MFAP1: variants seen among roughly 807,000 people sequenced by gnomAD.
MFAP1 encodes microfibrillar-associated protein 1.
Under a neutral mutation model 62.2 loss-of-function variants are expected in MFAP1, and 18 were observed. That is an observed-to-expected ratio of 0.29 (90% confidence interval 0.20 to 0.43). MFAP1 has a LOEUF of 0.43. MFAP1 is among the 20% of genes least tolerant of loss of function. The probability of loss-of-function intolerance (pLI) is 1.00; values close to 1 mark genes in which losing one functional copy is unlikely to be tolerated. For synonymous variants in MFAP1, 175 were observed against 180.4 expected, an observed-to-expected ratio of 0.97 and a Z score of 0.24; for missense variants, 355 against 559.7, an observed-to-expected ratio of 0.63 and a Z score of 3.69.
chr15:43,824,417 C>T, intron 1 of MFAP1, 74 bp downstream of exon 1: 1 of 1,516,166 alleles, frequency 6.6e-7, no homozygotes, highest in Non-Finnish European at 9.1e-7. Context: ...AGTGGTCTGT[C>T]CGGGAGAGGT....
chr15:43,807,692 C>T (rs2087374640), intron 7 of MFAP1, among the ~76,000 whole-genome samples: 1 of 152,136 alleles, frequency 6.6e-6, no homozygotes, highest in South Asian at 2.1e-4. Flanking sequence ...ACCTTTACGT[C>T]AACCCTTTCA....
chr15:43,816,277 G>A (rs1201054354), intron 2 of MFAP1, among the ~76,000 whole-genome samples: 6 of 131,416 alleles, frequency 4.6e-5, no homozygotes, highest in Admixed American at 9.0e-5. Flanking sequence ...ATGGAGTCTC[G>A]CTTTGTCACC....
chr15:43,824,526 G>C lies in MFAP1; in HGVS notation c.44C>G (p.Ser15Cys), dbSNP rs376300257. 1.2e-6 allele frequency: 2 copies of C among 1,614,048 alleles called. No homozygotes were observed. Among genetic ancestry groups the C allele is most frequent in the Non-Finnish European group, 1.7e-6 (2 of 1,180,042 alleles). The change falls in exon 1 of 9, where the codon TCT (serine) becomes TGT (cysteine). Residue 15 changes from serine to cysteine, a missense_variant. Around this residue, in one of 6 missense-constraint regions of MFAP1, gnomAD observed 29 missense variants for 46.0 expected, o/e 0.63. Transcript: ENST00000267812. ...SALMKQPPIQ[S>C]TAGAVPVRNE... ...GCGAACTGGGACGGCCCCAGCCGTA[G>C]ACTGAATGGGCGGTTGCTTCATGAG...
intron 6 of MFAP1, among the ~76,000 whole-genome samples, chr15:43,811,981 T>C (rs528798093): frequency 3.3e-5 from 5 of 152,110 alleles, no homozygotes; most frequent in Admixed American, 2.6e-4. Flanking sequence ...CCTGAGATCA[T>C]GAGTTCGAGA....
chr15:43,811,403 G>A (rs1230693207), intron 6 of MFAP1, among the ~76,000 whole-genome samples: 4 of 139,196 alleles, frequency 2.9e-5, no homozygotes, highest in Non-Finnish European at 4.6e-5. Context: ...GCGACAGAGT[G>A]AGACTGTGTC....
In MFAP1 at chr15:43,817,259, T is replaced by G; in HGVS notation, c.269A>C (p.Gln90Pro). Residue 90 changes from glutamine to proline, a missense_variant, in exon 2 of 9, where the codon CAG (glutamine) becomes CCG (proline). Gln to Pro is a moderately conservative substitution (Grantham distance 76, BLOSUM62 -1). Around this residue, in one of 6 missense-constraint regions of MFAP1, gnomAD observed 257 missense variants for 341.3 expected, o/e 0.75. Coordinates refer to ENST00000267812, the MANE Select transcript of MFAP1 (RefSeq NM_005926.3). ...SSSDPRLRRL[Q>P]NRISEDVEER... ...TTCCACATCTTCACTAATACGGTTC[T>G]GTAAACGCCGTAGCCGGGGGTCACT... 1 of 1,613,986 alleles carries G rather than the reference T, an allele frequency of 6.2e-7. No homozygotes were observed. The highest frequency in any genetic ancestry group is 8.5e-7 in the Non-Finnish European group (1 of 1,180,038).
At chr15:43,815,130 A>C in intron 2 of MFAP1, 56 bp from the exon 3 acceptor site, 1 of 1,606,504 alleles carries the variant, frequency 6.2e-7, no homozygotes, top group Non-Finnish European at 8.5e-7. Context: ...AAGTAGCATC[A>C]ACTGCATTTC....
chr15:43,820,942 G>A (rs2087463398), intron 1 of MFAP1, among the ~76,000 whole-genome samples: 1 of 152,048 alleles, frequency 6.6e-6, no homozygotes, highest in South Asian at 2.1e-4. Flanking sequence ...GTCTCATTCT[G>A]TTACCCAGGC....
In MFAP1 at chr15:43,814,602, C is replaced by G; in HGVS notation, c.516G>C (p.Glu172Asp). The G allele has an allele frequency of 6.2e-7, 1 of 1,614,158 alleles. No homozygotes were observed. Among genetic ancestry groups the G allele is most frequent in the Non-Finnish European group, 8.5e-7 (1 of 1,180,026 alleles). The change falls in exon 4 of 9, where the codon GAG (glutamate) becomes GAC (aspartate). Residue 172 changes from glutamate to aspartate, a missense_variant. By Grantham distance (45) the Glu-to-Asp change is conservative. Coordinates refer to ENST00000267812, the MANE Select transcript of MFAP1 (RefSeq NM_005926.3). ...ATTCTGACTCCTCTCCAGAACGACC[C>G]TCATCTTCCACTTCCATGACTTCCA... is the stretch of plus-strand genomic sequence containing the variant. ...EEMEVMEVEDEGRSGEESESE... is the reference protein window; with the variant it reads ...EEMEVMEVEDDGRSGEESESE...
chr15:43,814,645 T>C lies in MFAP1; in HGVS notation c.473A>G (p.Glu158Gly). Reference protein sequence around the residue: ...RRGMMRQRAQERKNEEMEVME... With the variant: ...RRGMMRQRAQGRKNEEMEVME... ...GACTTCCATCTCTTCATTTTTTCTC[T>C]CCTGTGCTCGCTGACGCATCATGCC... is the stretch of plus-strand genomic sequence containing the variant. Residue 158 changes from glutamate to glycine, a missense_variant, in exon 4 of 9, where the codon GAG becomes GGG. Glu to Gly is a moderately conservative substitution (Grantham distance 98). This residue lies in a region of MFAP1 where 257 missense variants were observed against 341.3 expected (regional missense o/e 0.75). Transcript: ENST00000267812. The C allele has an allele frequency of 6.2e-7, 1 of 1,614,102 alleles. No individual in the cohort carries two copies. The highest frequency in any genetic ancestry group is 8.5e-7 in the Non-Finnish European group (1 of 1,180,022).
rs1309326716 is a variant in MFAP1, at chr15:43,824,625, C to A, written c.-56G>T. 3 of 1,568,082 alleles carry A rather than the reference C, an allele frequency of 1.9e-6. No homozygotes were observed. Among genetic ancestry groups the A allele is most frequent in the Middle Eastern group, 1.7e-4 (1 of 5,980 alleles). ...TTGACTAATTCCAAACAGTGAACAC[C>A]AGCAACGTCAACGAAGAGAAGAAAT... is the stretch of plus-strand genomic sequence containing the variant. On this transcript the variant is annotated 5_prime_UTR_variant, in exon 1 of 9. Transcript: ENST00000267812.
intron 6 of MFAP1, among the ~76,000 whole-genome samples, chr15:43,811,280 T>C (rs1422002428): frequency 6.7e-6 from 1 of 150,184 alleles, no homozygotes; most frequent in Non-Finnish European, 1.5e-5. Context: ...CTGGGCGTGG[T>C]GGCATATACC....
chr15:43,820,296 G>A (rs1166591207), intron 1 of MFAP1, among the ~76,000 whole-genome samples: 2 of 152,068 alleles, frequency 1.3e-5, no homozygotes, highest in Non-Finnish European at 2.9e-5. Context: ...CAGCCTAGGC[G>A]ACAGGGTAAG....
chr15:43,816,239 TTTTTTCTTTTC>T (rs2087433003), intron 2 of MFAP1, among the ~76,000 whole-genome samples: 1 of 138,038 alleles, frequency 7.2e-6, no homozygotes, highest in South Asian at 2.4e-4. Context: ...TTTTTTTTTC[TTTTTTCTTTTC>T]TTTTTTTTTT....
At chr15:43,805,334 A>C (rs1376122488) in intron 8 of MFAP1, 42 bp downstream of exon 8, 1 of 1,604,630 alleles carries the variant, frequency 6.2e-7, no homozygotes, top group South Asian at 1.1e-5. Context: ...TCAGCTATCA[A>C]TACATCACTT....
In MFAP1 at chr15:43,817,314, C is replaced by G; in HGVS notation, c.214G>C (p.Glu72Gln). Residue 72 changes from glutamate to glutamine, a missense_variant, in exon 2 of 9, where the codon GAG (glutamate) becomes CAG (glutamine). Coordinates refer to ENST00000267812, the MANE Select transcript of MFAP1 (RefSeq NM_005926.3). ...GAATCCTCCTCCTGTTCCTCAGGCT[C>G]TGCTTCTTGTTCTTTGGCTTTCTTA... ...FIKKAKEQEAEPEEQEEDSSS... is the reference protein window; with the variant it reads ...FIKKAKEQEAQPEEQEEDSSS... 1 of 1,614,160 alleles carries G rather than the reference C, an allele frequency of 6.2e-7. No individual in the cohort carries two copies. The highest frequency in any genetic ancestry group is 2.2e-5 in the East Asian group (1 of 44,886).
intron 6 of MFAP1, among the ~76,000 whole-genome samples, chr15:43,812,671 A>G (rs1349878790): frequency 6.6e-6 from 1 of 152,214 alleles, no homozygotes; most frequent in African/African-American, 2.4e-5. Context: ...TATAGTTTCA[A>G]GTCACTCAAT....
intron 7 of MFAP1, among the ~76,000 whole-genome samples, chr15:43,809,303 C>T (rs556701075): frequency 6.7e-6 from 1 of 150,264 alleles, no homozygotes; most frequent in South Asian, 2.1e-4. Flanking sequence ...CATAGTGAAA[C>T]CTGGTCTTTA....
At chr15:43,819,424 G>A (rs2087453843) in intron 1 of MFAP1, among the ~76,000 whole-genome samples, 1 of 152,106 alleles carries the variant, frequency 6.6e-6, no homozygotes, top group Non-Finnish European at 1.5e-5. Flanking sequence ...TTACAGGTGT[G>A]AGCCATCTCT....
Sources: allele counts gnomAD v4.1 joint callset (sites outside exome capture counted in the v4.1 genomes callset), GRCh38; gene constraint gnomAD v4.1.1; regional missense constraint gnomAD v4.1.1; transcripts MANE v1.5; gene names NCBI Gene and HGNC (gene_info 2026-07-23, HGNC 2026-07-21).